Variants in NBR1 observed in about 807,000 individuals in gnomAD.
NBR1 encodes the protein NBR1 autophagy cargo receptor, also known as next to BRCA1 gene 1 protein.
A neutral mutation model predicts 115.5 loss-of-function variants in NBR1; 59 were observed. The ratio of observed to expected loss-of-function variants is 0.51; its 90% CI spans 0.41 to 0.63. The LOEUF is 0.63. Ranked by LOEUF, NBR1 falls within the 30% of genes least tolerant of loss-of-function variation. The pLI is 0.00. For synonymous variants in NBR1, 373 were observed against 414.7 expected (o/e 0.90, Z 1.22); for missense variants, 1,043 against 1,150.5 (o/e 0.91, Z 1.35).
intron 20 of NBR1, among the ~76,000 whole-genome samples, chr17:43,205,486 A>G (rs921680187): frequency 6.6e-6 from 1 of 152,240 alleles, no homozygotes; most frequent in Non-Finnish European, 1.5e-5. Context: ...TCATCAGGAA[A>G]GAGGGAGGGA....
chr17:43,191,550 C>A lies in NBR1; in HGVS notation c.1042C>A (p.Pro348Thr), dbSNP rs759337065. 8 of 1,612,866 alleles carry A rather than the reference C, an allele frequency of 5.0e-6. No homozygotes were observed. The East Asian group carries it at 1.1e-4, about 22-fold the overall frequency. Residue 348 changes from proline (P) to threonine (T), a missense_variant, in exon 10 of 21, where the codon CCT (proline) becomes ACT (threonine). Transcript: ENST00000590996. The part of the protein sequence containing the change: ...LQSPKSPLGR[P>T]ESLLQSNTLM... The stretch of plus-strand genomic sequence containing the variant: ...GAGCCCCAAGTCTCCTTTAGGCCGA[C>A]CTGAGAGCTTGCTCCAGTCTAATAC...
In NBR1 at chr17:43,186,217, C is replaced by T. The variant is rs147357901; in HGVS notation, c.208-33C>T. 6,624 of 1,516,916 alleles carry T rather than the reference C, an allele frequency of 4.4e-3. 38 individuals are homozygous for T. The highest frequency in any genetic ancestry group is 4.0e-3 in the Non-Finnish European group (4,542 of 1,123,348). The allele number at this position is 1,516,916 out of a possible 1,614,324, so 94.0% of individuals were successfully genotyped here. On this transcript the variant is annotated intron_variant, in intron 5 of 20. Transcript: ENST00000590996. ...GTTATTTAGGAGAAGATAATCACGT[C>T]GCATGTTTTTGTTTCATAATGTATG...
At chr17:43,173,439 C>T (rs1232131163) in intron 1 of NBR1, among the ~76,000 whole-genome samples, 1 of 152,182 alleles carries the variant, frequency 6.6e-6, no homozygotes, top group Non-Finnish European at 1.5e-5. Flanking sequence ...AGGCCTGCGC[C>T]ACTACACGCA....
chr17:43,174,489 T>C (rs2154581905), intron 1 of NBR1, among the ~76,000 whole-genome samples: 1 of 152,048 alleles, frequency 6.6e-6, no homozygotes, highest in African/African-American at 2.4e-5. Context: ...TCCCAGCTAC[T>C]CAGGAGGCTG....
intron 16 of NBR1, among the ~76,000 whole-genome samples, chr17:43,197,582 G>A (rs1344834430): frequency 1.3e-5 from 2 of 151,908 alleles, no homozygotes; most frequent in African/African-American, 4.8e-5. Context: ...CTACCTGACT[G>A]TTCTAATTAG....
chr17:43,202,598 A>C lies in NBR1; in HGVS notation c.2564-57A>C. On this transcript the variant is annotated intron_variant, in intron 18 of 20. Transcript: ENST00000590996. ...CTCAATAATAGCCTTGCTGTGAGTT[A>C]GGAAACAGTAGGTGCTTATGGATGC... 6.3e-6 allele frequency: 8 copies of C among 1,264,666 alleles called. No homozygotes were observed. In the South Asian group the frequency reaches 1.0e-4, roughly 17 times the overall value. The allele number at this position is 1,264,666 out of a possible 1,614,324, so 78.3% of individuals were successfully genotyped here.
In NBR1 at chr17:43,186,456, A is replaced by AT; in HGVS notation, c.402+13dup. The AT allele has an allele frequency of 6.5e-7, 1 of 1,528,248 alleles. No individual in the cohort carries two copies. The highest frequency in any genetic ancestry group is 2.5e-5 in the Admixed American group (1 of 40,046). 94.7% of individuals were successfully genotyped at this position (1,528,248 alleles called of 1,614,324 possible). On this transcript the variant is annotated intron_variant, in intron 6 of 20. Transcript: ENST00000590996. ...ATCCTGCAGTGCAGGTATGAAGGGT[A>AT]TGGCCCAGTCTATCCAATATCGTTT... is the stretch of plus-strand genomic sequence containing the variant.
chr17:43,209,638 T>C, intron 20 of NBR1: 1 of 1,535,572 alleles, frequency 6.5e-7, no homozygotes, highest in Non-Finnish European at 8.7e-7. Context: ...ATTCTCCTGG[T>C]TCTAAGTACA....
intron 1 of NBR1, among the ~76,000 whole-genome samples, chr17:43,173,469 G>A (rs1282680923): frequency 2.0e-5 from 3 of 152,066 alleles, no homozygotes; most frequent in Admixed American, 2.0e-4. Context: ...TGTATTTTTA[G>A]TAGGGACGAG....
intron 3 of NBR1, among the ~76,000 whole-genome samples, chr17:43,179,183 A>G (rs1390323847): frequency 6.6e-6 from 1 of 152,308 alleles, no homozygotes; most frequent in Admixed American, 6.5e-5. Flanking sequence ...TAACTGTTAT[A>G]TTGCACTGCC....
At chr17:43,184,369 A>ACTCTTTTTTTT (rs2056749024) in intron 5 of NBR1, among the ~76,000 whole-genome samples, 3 of 21,820 alleles carry the variant, frequency 1.4e-4, no homozygotes, top group Non-Finnish European at 8.3e-4. Flanking sequence ...CCAAAATACT[A>ACTCTTTTTTTT]TTCTTTTTTT....
At chr17:43,182,141 C>T (rs1030093818) in intron 5 of NBR1, among the ~76,000 whole-genome samples, 23 of 150,924 alleles carry the variant, frequency 1.5e-4, no homozygotes, top group African/African-American at 5.6e-4. Flanking sequence ...GGGTGTGCAC[C>T]ACCATGCCTG....
At position 43,196,975 on chromosome 17, in the gene NBR1, A is replaced by T. The variant is rs773401749; in HGVS notation, c.1895A>T (p.Asn632Ile). ...SMVSVKRKAE[N>I]IASVEEAEED... ...GTGTCAGTAAAGAGGAAGGCTGAGAACATTGCTTCTGTGGAGGAAGCAGAA... is the reference window on the plus strand; with the variant it reads ...GTGTCAGTAAAGAGGAAGGCTGAGATCATTGCTTCTGTGGAGGAAGCAGAA... Residue 632 changes from asparagine (N) to isoleucine (I), a missense_variant, in exon 16 of 21, where the codon AAC (asparagine) becomes ATC (isoleucine). Transcript: ENST00000590996. The T allele has an allele frequency of 6.2e-7, 1 of 1,614,044 alleles. No homozygotes were observed. Among genetic ancestry groups the T allele is most frequent in the Non-Finnish European group, 8.5e-7 (1 of 1,179,900 alleles).
intron 5 of NBR1, among the ~76,000 whole-genome samples, chr17:43,184,803 C>G (rs1428778335): frequency 6.6e-6 from 1 of 151,786 alleles, no homozygotes; most frequent in East Asian, 1.9e-4. Flanking sequence ...TGTATAAAAA[C>G]CAATTAGACT....
Position 43,194,336 on chromosome 17 carries a change from G to A in NBR1, c.1525-14G>A, listed in dbSNP as rs1421529141. Reference sequence around the variant, plus strand: ...TGAAGGCCTAAAATTTGTCTCAATGGTTTGTCTCTATAGGAAACTTTTCTT... The same window carrying A: ...TGAAGGCCTAAAATTTGTCTCAATGATTTGTCTCTATAGGAAACTTTTCTT... On this transcript the variant is annotated splice_polypyrimidine_tract_variant and intron_variant, in intron 12 of 20. Transcript: ENST00000590996. 6.2e-6 allele frequency: 10 copies of A among 1,604,186 alleles called. No homozygotes were observed. Among genetic ancestry groups the A allele is most frequent in the African/African-American group, 1.3e-5 (1 of 74,452 alleles).
intron 20 of NBR1, chr17:43,209,670 C>T (rs2057380810): frequency 3.3e-6 from 5 of 1,535,348 alleles, no homozygotes; most frequent in Non-Finnish European, 4.4e-6. Context: ...CCCCGGTTTC[C>T]CTTTTCTCCT....
chr17:43,192,704 C>T (rs2056977718), intron 10 of NBR1, among the ~76,000 whole-genome samples: 1 of 152,134 alleles, frequency 6.6e-6, no homozygotes, highest in South Asian at 2.1e-4. Flanking sequence ...TGTTTTGTTT[C>T]CTTCTTCAGA....
intron 10 of NBR1, among the ~76,000 whole-genome samples, chr17:43,192,872 C>G (rs894452928): frequency 1.3e-5 from 2 of 152,136 alleles, no homozygotes; most frequent in Non-Finnish European, 2.9e-5. Flanking sequence ...TTTTTTAGCT[C>G]AGGAGTGAGA....
At chr17:43,187,313 T>C (rs1425837102) in intron 6 of NBR1, among the ~76,000 whole-genome samples, 1 of 151,878 alleles carries the variant, frequency 6.6e-6, no homozygotes, top group Non-Finnish European at 1.5e-5. Flanking sequence ...CCTGAGTAGC[T>C]AGGACTATAG....
Sources: gnomAD v4.1 joint callset for allele counts (sites outside exome capture counted in the v4.1 genomes callset) on GRCh38, gnomAD v4.1.1 for gene constraint, MANE v1.5 for transcripts, NCBI Gene and HGNC (gene_info 2026-07-23, HGNC 2026-07-21) for gene names.